Variants in TRDN observed in about 807,000 individuals in gnomAD.
The protein encoded by TRDN is triadin in skeletal muscle.
A neutral mutation model predicts 149.7 loss-of-function variants in TRDN; 161 were observed. That is an observed-to-expected ratio of 1.08 (90% CI 0.95 to 1.23). The LOEUF (loss-of-function observed/expected upper bound fraction) is 1.23. Ranked by LOEUF, TRDN falls within the 50% of genes most tolerant of loss-of-function variation. The probability of loss-of-function intolerance (pLI) is 0.00; values close to 1 mark genes in which losing one functional copy is unlikely to be tolerated. For missense variants in TRDN, 896 were observed against 823.5 expected, an observed-to-expected ratio of 1.09 and a Z score of -1.08; for synonymous variants, 294 against 250.5, an observed-to-expected ratio of 1.17 and a Z score of -1.64.
At chr6:123,518,536 C>T (rs1368102525) in intron 5 of TRDN, among the ~76,000 whole-genome samples, 2 of 152,140 alleles carry the variant, frequency 1.3e-5, no homozygotes, top group African/African-American at 4.8e-5. Flanking sequence ...CCACCTTGGA[C>T]AGCTGGTTGT....
intron 20 of TRDN, among the ~76,000 whole-genome samples, chr6:123,357,961 T>C (rs1282563276): frequency 6.6e-6 from 1 of 152,204 alleles, no homozygotes; most frequent in East Asian, 1.9e-4. Flanking sequence ...ACATAAAATG[T>C]TGATCCTTTC....
intron 23 of TRDN, 28 bp downstream of exon 23, chr6:123,331,851 G>A (rs1471828959): frequency 2.0e-6 from 3 of 1,464,656 alleles, no homozygotes; most frequent in Non-Finnish European, 1.8e-6. Context: ...AGATCAATGT[G>A]GCTTCACATT....
At chr6:123,378,672 G>A (rs1470647322) in intron 16 of TRDN, among the ~76,000 whole-genome samples, 1 of 152,130 alleles carries the variant, frequency 6.6e-6, no homozygotes, top group Non-Finnish European at 1.5e-5. Context: ...CACATTTCAC[G>A]TGGACTGCCT....
In TRDN at chr6:123,382,166, A is replaced by G. The variant is rs1454829896; in HGVS notation, c.1136-19T>C. 12 of 1,480,402 alleles carry G rather than the reference A, an allele frequency of 8.1e-6. No homozygotes were observed. The highest frequency in any genetic ancestry group is 1.1e-5 in the Non-Finnish European group (12 of 1,106,960). 91.7% of individuals were successfully genotyped at this position (1,480,402 alleles called of 1,614,324 possible). On this transcript the variant is annotated intron_variant, in intron 14 of 40. Transcript: ENST00000334268. ...TTGGAATCTGAAAACACAAAGATAA[A>G]TTATTAATAAAACAGATACAATAAA...
intron 37 of TRDN, among the ~76,000 whole-genome samples, chr6:123,254,447 G>T (rs926523627): frequency 2.6e-5 from 4 of 151,922 alleles, no homozygotes. Context: ...AATGAAAATA[G>T]TTGTCTTAGT....
intron 5 of TRDN, among the ~76,000 whole-genome samples, chr6:123,518,276 C>A (rs1779509266): frequency 6.6e-6 from 1 of 152,224 alleles, no homozygotes; most frequent in South Asian, 2.1e-4. Context: ...ATATAAATAG[C>A]TCACAAAATA....
At chr6:123,459,500 T>C (rs189007389) in intron 10 of TRDN, among the ~76,000 whole-genome samples, 10 of 152,356 alleles carry the variant, frequency 6.6e-5, no homozygotes, top group Admixed American at 3.9e-4. Context: ...TAAGGCTTTC[T>C]GGATGTCTAA....
intron 19 of TRDN, among the ~76,000 whole-genome samples, chr6:123,369,457 A>C (rs1781239848): frequency 6.6e-6 from 1 of 152,140 alleles, no homozygotes; most frequent in Non-Finnish European, 1.5e-5. Context: ...CTGAGCAGTC[A>C]TCGAAGCTGA....
At chr6:123,492,323 A>G (rs1487138132) in intron 9 of TRDN, among the ~76,000 whole-genome samples, 10 of 152,184 alleles carry the variant, frequency 6.6e-5, no homozygotes, top group Non-Finnish European at 1.3e-4. Context: ...TACAGAGATG[A>G]AAGCTAAAAA....
At chr6:123,496,378 A>C (rs1778447935) in intron 9 of TRDN, among the ~76,000 whole-genome samples, 1 of 151,756 alleles carries the variant, frequency 6.6e-6, no homozygotes, top group African/African-American at 2.4e-5. Flanking sequence ...TATTTTTGAA[A>C]GGCTTTCACA....
At chr6:123,357,561 G>A (rs1020221022) in intron 20 of TRDN, among the ~76,000 whole-genome samples, 1 of 152,116 alleles carries the variant, frequency 6.6e-6, no homozygotes. Flanking sequence ...TAAGAGGCTA[G>A]TAAGATGTGT....
intron 23 of TRDN, among the ~76,000 whole-genome samples, chr6:123,317,863 G>T (rs1436874640): frequency 1.5e-4 from 23 of 151,792 alleles, no homozygotes; most frequent in Admixed American, 6.6e-5. Flanking sequence ...CTCCCTGTTG[G>T]GTATCTGAAG....
At chr6:123,243,325 A>G (rs1776058089) in intron 38 of TRDN, among the ~76,000 whole-genome samples, 1 of 152,204 alleles carries the variant, frequency 6.6e-6, no homozygotes, top group African/African-American at 2.4e-5. Flanking sequence ...CAAAGCAACA[A>G]CTGTTACACC....
intron 18 of TRDN, among the ~76,000 whole-genome samples, chr6:123,377,512 T>C (rs896157970): frequency 5.3e-5 from 8 of 152,156 alleles, no homozygotes; most frequent in African/African-American, 1.9e-4. Flanking sequence ...AGAACACACA[T>C]TGAGGAGCAA....
intron 1 of TRDN, among the ~76,000 whole-genome samples, chr6:123,585,933 T>C (rs907986809): frequency 9.2e-5 from 14 of 152,122 alleles, no homozygotes; most frequent in African/African-American, 3.4e-4. Context: ...TTGTGGGGTT[T>C]GAGGGCCAGA....
intron 6 of TRDN, among the ~76,000 whole-genome samples, chr6:123,514,304 AAGATTGC>A (rs1391080247): frequency 2.0e-5 from 3 of 152,070 alleles, no homozygotes; most frequent in Non-Finnish European, 4.4e-5. Context: ...GCAGTGAGCC[AAGATTGC>A]ACCACTGCAC....
chr6:123,400,897 G>A (rs1381792379), intron 12 of TRDN, among the ~76,000 whole-genome samples: 13 of 152,156 alleles, frequency 8.5e-5, no homozygotes, highest in Non-Finnish European at 1.3e-4. Context: ...TTGTGTGAAT[G>A]TAGTCCTCTG....
intron 30 of TRDN, among the ~76,000 whole-genome samples, chr6:123,270,590 T>G (rs567800316): frequency 6.6e-6 from 1 of 152,090 alleles, no homozygotes; most frequent in South Asian, 2.1e-4. Flanking sequence ...CAGGAAAAAC[T>G]TCTGAATTGC....
chr6:123,282,211 A>G (rs987284850), intron 24 of TRDN, among the ~76,000 whole-genome samples: 3 of 151,992 alleles, frequency 2.0e-5, no homozygotes, highest in Admixed American at 6.6e-5. Flanking sequence ...TCAGAGGTCT[A>G]CAATGAACTA....
Sources: gnomAD v4.1 joint callset for allele counts (sites outside exome capture counted in the v4.1 genomes callset) on GRCh38, gnomAD v4.1.1 for gene constraint, MANE v1.5 for transcripts, NCBI Gene and HGNC (gene_info 2026-07-23, HGNC 2026-07-21) for gene names.